RUVBL1: variants seen among roughly 807,000 people sequenced by gnomAD.
RUVBL1 encodes ruvB-like 1.
A neutral mutation model predicts 52.4 loss-of-function variants in RUVBL1; 4 were observed. The observed-to-expected ratio is 0.08, with a 90% CI of 0.04 to 0.17. The LOEUF (loss-of-function observed/expected upper bound fraction) is 0.17. Among genes scored for constraint, RUVBL1 ranks in the 10% least tolerant of loss-of-function variants. RUVBL1 has a pLI of 1.00. For synonymous variants in RUVBL1, 217 were observed against 214.4 expected (o/e 1.01, Z -0.10); for missense variants, 298 against 572.8 (o/e 0.52, Z 4.90).
At chr3:128,119,287 A>G in intron 2 of RUVBL1, 41 bp downstream of exon 2, 1 of 1,521,872 alleles carries the variant, frequency 6.6e-7, no homozygotes, top group Non-Finnish European at 9.1e-7. Context: ...CACTAGGATC[A>G]TTCTCCTGGG....
chr3:128,080,992 T>TAGAG lies in RUVBL1; in HGVS notation c.*254_*257dup, dbSNP rs10574960. 5.6e-5 allele frequency: 22 copies of TAGAG among 395,906 alleles called. No homozygotes were observed. The highest frequency in any genetic ancestry group is 4.9e-4 in the South Asian group (9 of 18,442). 24.5% of individuals were successfully genotyped at this position (395,906 alleles called of 1,614,324 possible). ...CTGAAAAGTTTATTTTTAAAAAACTTAGAGAGAGAGAGAGAGAGAATCAAA... is the reference window on the plus strand; with the variant it reads ...CTGAAAAGTTTATTTTTAAAAAACTTAGAGAGAGAGAGAGAGAGAGAGAATCAAA... On this transcript the variant is annotated 3_prime_UTR_variant, in exon 11 of 11. Coordinates refer to ENST00000322623, the MANE Select transcript of RUVBL1 (RefSeq NM_003707.3).
chr3:128,096,929 T>C (rs1942994227), intron 8 of RUVBL1, among the ~76,000 whole-genome samples: 1 of 152,186 alleles, frequency 6.6e-6, no homozygotes, highest in Admixed American at 6.5e-5. Flanking sequence ...GTTTCCTTAT[T>C]TGAAAAATGA....
downstream of RUVBL1, among the ~76,000 whole-genome samples, chr3:128,078,405 G>A (rs1942388019): frequency 6.6e-6 from 1 of 152,294 alleles, no homozygotes; most frequent in African/African-American, 2.4e-5. Context: ...CCCTGCCAGG[G>A]CCAGGGACGC....
At chr3:128,136,055 T>C (rs1191843954) in intron 1 of RUVBL1, among the ~76,000 whole-genome samples, 2 of 152,082 alleles carry the variant, frequency 1.3e-5, no homozygotes, top group African/African-American at 4.8e-5. Flanking sequence ...GAAAATAAAC[T>C]ATGCAGATGT....
chr3:128,095,566 T>C (rs1942949612), intron 8 of RUVBL1, among the ~76,000 whole-genome samples: 1 of 152,172 alleles, frequency 6.6e-6, no homozygotes, highest in African/African-American at 2.4e-5. Context: ...CGGACGGGGA[T>C]TCAGAGTAGC....
chr3:128,130,459 C>T (rs560867041), intron 1 of RUVBL1, among the ~76,000 whole-genome samples: 78 of 151,954 alleles, frequency 5.1e-4, no homozygotes, highest in African/African-American at 1.8e-3. Context: ...TTCTACCAAA[C>T]ATTTAAAGAA....
intron 3 of RUVBL1, among the ~76,000 whole-genome samples, chr3:128,108,247 T>C (rs1943294891): frequency 6.6e-6 from 1 of 152,194 alleles, no homozygotes; most frequent in Non-Finnish European, 1.5e-5. Flanking sequence ...CAGAGGAAGA[T>C]GGGCAGGGTT....
downstream of RUVBL1, among the ~76,000 whole-genome samples, chr3:128,078,288 T>TA (rs967565585): frequency 2.6e-5 from 4 of 152,228 alleles, no homozygotes; most frequent in Non-Finnish European, 4.4e-5. Flanking sequence ...CATTTAGTCC[T>TA]AAAAAACAAA....
chr3:128,100,477 G>A (rs1943086318), intron 6 of RUVBL1, 118 bp downstream of exon 6: 1 of 1,229,384 alleles, frequency 8.1e-7, no homozygotes, highest in South Asian at 1.6e-5. Context: ...GAACATTACA[G>A]ATAGAAAAGG....
In RUVBL1 at chr3:128,081,537, G is replaced by A. The variant is rs1470968696; in HGVS notation, c.1212-128C>T. 1.2e-5 allele frequency: 11 copies of A among 954,534 alleles called. No homozygotes were observed. The highest frequency in any genetic ancestry group is 1.7e-5 in the South Asian group (1 of 57,588). The allele number at this position is 954,534 out of a possible 1,614,324, so 59.1% of individuals were successfully genotyped here. On this transcript the variant is annotated intron_variant, in intron 10 of 10. Coordinates refer to ENST00000322623, the MANE Select transcript of RUVBL1 (RefSeq NM_003707.3). The surrounding 1 kb of genome is among the most constrained non-coding windows in gnomAD (Gnocchi z 4.8). ...GTGCTGGGCTTGTGCCAGCTGCTAC[G>A]AACACAGAAAAGGGGAGACAAAGTT...
intron 4 of RUVBL1, among the ~76,000 whole-genome samples, chr3:128,104,016 C>G (rs1003369391): frequency 6.6e-6 from 1 of 152,174 alleles, no homozygotes; most frequent in East Asian, 1.9e-4. Context: ...AAAGCCATAA[C>G]CCTGAAAGAC....
chr3:128,149,527 T>C (rs1485865998), intron 1 of RUVBL1, among the ~76,000 whole-genome samples: 2 of 152,210 alleles, frequency 1.3e-5, no homozygotes, highest in Non-Finnish European at 1.5e-5. Context: ...TTATTCTTTT[T>C]AAGGACATTT....
At chr3:128,096,294 G>C (rs527918878) in intron 8 of RUVBL1, among the ~76,000 whole-genome samples, 3 of 152,368 alleles carry the variant, frequency 2.0e-5, no homozygotes, top group African/African-American at 7.2e-5. Flanking sequence ...CTGGGCTTGA[G>C]AGATGGGAAG....
intron 1 of RUVBL1, among the ~76,000 whole-genome samples, chr3:128,151,703 G>A (rs1472470583): frequency 2.6e-5 from 4 of 151,980 alleles, no homozygotes; most frequent in African/African-American, 2.4e-5. Flanking sequence ...CCTCCCAAAC[G>A]TCCCATCTCC....
intron 3 of RUVBL1, 94 bp from the exon 4 acceptor site, chr3:128,105,018 C>G: frequency 7.2e-7 from 1 of 1,386,628 alleles, no homozygotes; most frequent in Non-Finnish European, 9.9e-7. Flanking sequence ...ACTGCCAAAT[C>G]AACCTTAATA....
intron 1 of RUVBL1, chr3:128,141,920 G>C (rs1167879577): frequency 6.6e-6 from 1 of 152,172 alleles, no homozygotes; most frequent in Admixed American, 6.5e-5. Context: ...CCTTGCCCAG[G>C]GGCCATGCTG....
intron 8 of RUVBL1, among the ~76,000 whole-genome samples, chr3:128,091,450 G>A (rs1942837345): frequency 6.6e-6 from 1 of 152,200 alleles, no homozygotes; most frequent in Admixed American, 6.5e-5. Flanking sequence ...TTTGGCCTCA[G>A]TCTACTATTA....
At chr3:128,106,128 C>G (rs545469803) in intron 3 of RUVBL1, among the ~76,000 whole-genome samples, 1 of 152,132 alleles carries the variant, frequency 6.6e-6, no homozygotes, top group Non-Finnish European at 1.5e-5. Flanking sequence ...GATCCACCCA[C>G]CTTGGCCTCC....
At chr3:128,093,517 A>G (rs544439212) in intron 8 of RUVBL1, among the ~76,000 whole-genome samples, 5 of 151,498 alleles carry the variant, frequency 3.3e-5, no homozygotes, top group East Asian at 1.9e-4. Context: ...TTGGAACACT[A>G]TCTGCCACAG....
Sources: gnomAD v4.1 joint callset for allele counts (sites outside exome capture counted in the v4.1 genomes callset) on GRCh38, gnomAD v4.1.1 for gene constraint, Gnocchi (gnomAD v3.1) non-coding constraint, MANE v1.5 for transcripts, NCBI Gene and HGNC (gene_info 2026-07-23, HGNC 2026-07-21) for gene names.